The following PCDH9 variants were observed in gnomAD, a reference collection of about 807,000 sequenced individuals.
PCDH9 encodes protocadherin 9, also known as protocadherin-9.
Under a neutral mutation model 70.6 loss-of-function variants are expected in PCDH9, and 24 were observed. The observed-to-expected ratio is 0.34, with a 90% confidence interval of 0.25 to 0.48. The LOEUF (loss-of-function observed/expected upper bound fraction) is 0.48, where lower values mean the gene tolerates loss of function less well. Among genes scored for constraint, PCDH9 ranks in the 20% least tolerant of loss-of-function variants. PCDH9 has a pLI of 0.99. For missense variants in PCDH9, 1,281 were observed against 1,503.6 expected (o/e 0.85, Z 2.45); for synonymous variants, 562 against 558.5 (o/e 1.01, Z -0.09).
intron 2 of PCDH9, among the ~76,000 whole-genome samples, chr13:67,062,028 A>G (rs2085548834): frequency 6.6e-6 from 1 of 152,174 alleles, no homozygotes; most frequent in Non-Finnish European, 1.5e-5. Context: ...AAGGAAAAAG[A>G]GTAAAGTACT....
intron 4 of PCDH9, among the ~76,000 whole-genome samples, chr13:66,588,436 C>T (rs866904400): frequency 5.9e-4 from 90 of 151,828 alleles, no homozygotes; most frequent in African/African-American, 1.9e-3. Context: ...TTTTGCCCAT[C>T]GGCTTTTTAC....
At chr13:66,762,659 T>G (rs1336985469) in intron 3 of PCDH9, among the ~76,000 whole-genome samples, 2 of 152,030 alleles carry the variant, frequency 1.3e-5, no homozygotes, top group Non-Finnish European at 2.9e-5. Context: ...GTATAGTTGT[T>G]CAAATTGATG....
intron 4 of PCDH9, among the ~76,000 whole-genome samples, chr13:66,564,563 A>G (rs1423285123): frequency 6.6e-6 from 1 of 152,126 alleles, no homozygotes; most frequent in Non-Finnish European, 1.5e-5. Flanking sequence ...GTTAATACAT[A>G]TGATGTCACT....
At position 67,226,477 on chromosome 13, in the gene PCDH9, C is replaced by T. The variant is rs376583062; in HGVS notation, c.1964G>A (p.Arg655His). 43 of 1,613,940 alleles carry T rather than the reference C, an allele frequency of 2.7e-5. No individual in the cohort carries two copies. Among genetic ancestry groups the T allele is most frequent in the Non-Finnish European group, 3.3e-5 (39 of 1,179,882 alleles). The stretch of plus-strand genomic sequence containing the variant: ...GATAGTTACTTTTGCAGTAGAGGAA[C>T]GAGGTGGTTGTCCTCCATCAGTGGC... ...VKATDGGQPP[R>H]SSTAKVTINV... The change falls in exon 2 of 5, where the codon CGT becomes CAT. Residue 655 changes from arginine to histidine, a missense_variant. Around this residue, in one of 4 missense-constraint regions of PCDH9, gnomAD observed 798 missense variants for 1,003.1 expected, o/e 0.80. Transcript: ENST00000377865. This position sits in a 1 kb window ranked among gnomAD's most constrained non-coding sequence, Gnocchi z 5.0.
rs538777036 is a variant in PCDH9, at chr13:66,867,351, C to T, written c.3138+36153G>A. On this transcript the variant is annotated intron_variant, in intron 3 of 4. Transcript: ENST00000377865. ...TTTGTCTCAATAAGAGAGACTAAGA[C>T]TGTAGAATGATATTTGGGTATCTAA... Among the ~76,000 whole-genome samples, 7 of 152,176 alleles carry T rather than the reference C, an allele frequency of 4.6e-5. No homozygotes were observed. The East Asian group carries it at 9.7e-4, about 21-fold the overall frequency.
intron 2 of PCDH9, among the ~76,000 whole-genome samples, chr13:67,079,024 G>A (rs1385252777): frequency 3.9e-5 from 6 of 152,002 alleles, no homozygotes; most frequent in African/African-American, 1.4e-4. Context: ...AAGTTCACAT[G>A]TAAGGCCAGA....
At chr13:66,354,081 CTT>C (rs1345426283) in intron 4 of PCDH9, among the ~76,000 whole-genome samples, 13 of 152,140 alleles carry the variant, frequency 8.5e-5, no homozygotes, top group Non-Finnish European at 1.2e-4. Context: ...CTACTTCTCT[CTT>C]ATCACTTTAT....
At chr13:67,091,780 T>A (rs573629530) in intron 2 of PCDH9, among the ~76,000 whole-genome samples, 1 of 152,306 alleles carries the variant, frequency 6.6e-6, no homozygotes, top group South Asian at 2.1e-4. Flanking sequence ...CTGTTAATAG[T>A]TCCTCGGTCA....
chr13:66,340,953 C>T (rs186476786), intron 4 of PCDH9, among the ~76,000 whole-genome samples: 14 of 152,042 alleles, frequency 9.2e-5, no homozygotes, highest in African/African-American at 3.1e-4. Flanking sequence ...AACATAGAAG[C>T]CTTTATCTTG....
At chr13:66,383,208 T>C (rs890077891) in intron 4 of PCDH9, among the ~76,000 whole-genome samples, 2 of 152,144 alleles carry the variant, frequency 1.3e-5, no homozygotes, top group Non-Finnish European at 2.9e-5. Context: ...AAAAAGGAGA[T>C]GCAATGAGCA....
intron 2 of PCDH9, among the ~76,000 whole-genome samples, chr13:67,185,614 G>C (rs1434339375): frequency 6.6e-6 from 1 of 152,088 alleles, no homozygotes; most frequent in Non-Finnish European, 1.5e-5. Flanking sequence ...AGAAATGTTT[G>C]TTCAATATAT....
intron 4 of PCDH9, among the ~76,000 whole-genome samples, chr13:66,551,291 G>A (rs1294747322): frequency 2.6e-5 from 4 of 152,206 alleles, no homozygotes; most frequent in Non-Finnish European, 1.5e-5. Context: ...GGACGGACTT[G>A]AAGCACAATG....
At position 66,653,943 on chromosome 13, in the gene PCDH9, G is replaced by A. The variant is rs566760230; in HGVS notation, c.3139-22532C>T. ...AGATCGTGCCACTGCACTCCAGCCTGGGCGACAAAGCGAGACTCCGTCTCA... is the reference window on the plus strand; with the variant it reads ...AGATCGTGCCACTGCACTCCAGCCTAGGCGACAAAGCGAGACTCCGTCTCA... On this transcript the variant is annotated intron_variant, in intron 3 of 4. Coordinates refer to ENST00000377865, the MANE Select transcript of PCDH9 (RefSeq NM_203487.3). 8.5e-5 allele frequency among the ~76,000 whole-genome samples: 12 copies of A among 140,606 alleles called. No individual in the cohort carries two copies. The East Asian group carries it at 2.3e-3, about 27-fold the overall frequency. 92.2% of individuals were successfully genotyped at this position (140,606 alleles called of 152,430 possible).
At chr13:66,660,588 G>A (rs1414739209) in intron 3 of PCDH9, among the ~76,000 whole-genome samples, 1 of 152,092 alleles carries the variant, frequency 6.6e-6, no homozygotes, top group Non-Finnish European at 1.5e-5. Context: ...TAAATTCTAA[G>A]TAGAGCAGTA....
chr13:67,226,376 G>C lies in PCDH9; in HGVS notation c.2065C>G (p.Leu689Val), dbSNP rs754561903. 4.3e-6 allele frequency: 7 copies of C among 1,614,178 alleles called. No individual in the cohort carries two copies. The Admixed American group carries it at 1.2e-4, about 27-fold the overall frequency. The part of the protein sequence containing the change: ...PSNTSFKLVP[L>V]SAIPGSVVAE... ...ACCACGGAGCCAGGAATGGCTGAGAGGGGCACCAACTTAAAGGAAGTATTA... is the reference window on the plus strand; with the variant it reads ...ACCACGGAGCCAGGAATGGCTGAGACGGGCACCAACTTAAAGGAAGTATTA... Residue 689 changes from leucine to valine, a missense_variant, in exon 2 of 5, where the codon CTC (leucine) becomes GTC (valine). Transcript: ENST00000377865. This position sits in a 1 kb window ranked among gnomAD's most constrained non-coding sequence, Gnocchi z 5.0.
intron 2 of PCDH9, among the ~76,000 whole-genome samples, chr13:66,961,496 A>C (rs2083344674): frequency 6.6e-6 from 1 of 152,204 alleles, no homozygotes; most frequent in Non-Finnish European, 1.5e-5. Context: ...ATTGAAATTA[A>C]ATTAAATCAA....
chr13:66,978,096 A>G (rs1236688728), intron 2 of PCDH9, among the ~76,000 whole-genome samples: 1 of 152,182 alleles, frequency 6.6e-6, no homozygotes, highest in Non-Finnish European at 1.5e-5. Context: ...AATTTACCAG[A>G]TAAGAGAAAT....
chr13:67,124,605 G>A (rs568781784), intron 2 of PCDH9, among the ~76,000 whole-genome samples: 2 of 152,168 alleles, frequency 1.3e-5, no homozygotes, highest in South Asian at 4.2e-4. Context: ...TAGACTCAAA[G>A]CACTTTTCAA....
At chr13:66,325,478 T>C (rs1377888778) in intron 4 of PCDH9, among the ~76,000 whole-genome samples, 1 of 152,034 alleles carries the variant, frequency 6.6e-6, no homozygotes, top group Non-Finnish European at 1.5e-5. Context: ...ATAACATTTG[T>C]GTAGAGTTAA....
Sources: allele counts gnomAD v4.1 joint callset (sites outside exome capture counted in the v4.1 genomes callset), GRCh38; gene constraint gnomAD v4.1.1; regional missense constraint gnomAD v4.1.1; non-coding constraint Gnocchi (gnomAD v3.1); transcripts MANE v1.5; gene names NCBI Gene and HGNC (gene_info 2026-07-23, HGNC 2026-07-21).